Variants in CASK observed in about 807,000 individuals in gnomAD.
CASK encodes calcium/calmodulin dependent serine protein kinase.
CASK carries 4 observed loss-of-function variants against 82.9 expected under a neutral mutation model. The ratio of observed to expected loss-of-function variants is 0.05; its 90% CI spans 0.02 to 0.11. The LOEUF (loss-of-function observed/expected upper bound fraction) is 0.11. Ranked by LOEUF, CASK falls within the 10% of genes least tolerant of loss-of-function variation. The pLI, the probability that CASK is intolerant of heterozygous loss-of-function variation, is 1.00. For missense variants in CASK, 358 were observed against 720.9 expected (o/e 0.50, Z 5.76); for synonymous variants, 259 against 253.5 (o/e 1.02, Z -0.20).
chrX:41,895,193 G>A (rs750902570), intron 1 of CASK, among the ~76,000 whole-genome samples: 18 of 111,436 alleles, frequency 1.6e-4, no homozygotes, highest in Non-Finnish European at 2.6e-4. Flanking sequence ...CTTTACCAAC[G>A]AGGAAATCAA....
chrX:41,657,853 T>C (rs2066967555), intron 8 of CASK, among the ~76,000 whole-genome samples: 1 of 111,635 alleles, frequency 9.0e-6, no homozygotes, highest in South Asian at 3.8e-4. Flanking sequence ...ACGCCAAAGA[T>C]GTCTGATGGC....
At chrX:41,601,724 A>G (rs936287327) in intron 12 of CASK, among the ~76,000 whole-genome samples, 1 of 111,552 alleles carries the variant, frequency 9.0e-6, no homozygotes, top group African/African-American at 3.3e-5. Context: ...GCCTAACCCA[A>G]GGTAATGAAG....
intron 8 of CASK, chrX:41,660,103 A>C (rs2067009110): frequency 3.1e-6 from 1 of 319,563 alleles, no homozygotes; most frequent in Non-Finnish European, 5.4e-6. Flanking sequence ...ACCCAAAATA[A>C]AGATAGTTAA....
At chrX:41,856,665 G>A (rs1319953915) in intron 1 of CASK, among the ~76,000 whole-genome samples, 5 of 109,560 alleles carry the variant, frequency 4.6e-5, no homozygotes, top group Non-Finnish European at 5.7e-5. Flanking sequence ...GCTTGGTGGC[G>A]GGCGCCTGTA....
At chrX:41,654,341 C>T in intron 8 of CASK, among the ~76,000 whole-genome samples, 1 of 111,113 alleles carries the variant, frequency 9.0e-6, no homozygotes, top group Non-Finnish European at 1.9e-5. Context: ...GGGACTCATC[C>T]CAGCAGGGTG....
chrX:41,734,555 G>GA (rs2068466678), intron 5 of CASK, among the ~76,000 whole-genome samples: 1 of 112,045 alleles, frequency 8.9e-6, no homozygotes, highest in Non-Finnish European at 1.9e-5. Context: ...GAAGATGACA[G>GA]AAAAAAATAG....
At chrX:41,626,489 T>C (rs2066377744) in intron 10 of CASK, 115 bp downstream of exon 10, 1 of 535,189 alleles carries the variant, frequency 1.9e-6, no homozygotes, top group Admixed American at 2.6e-5. Context: ...CAAACTTCCT[T>C]AGAATCCGTT....
intron 12 of CASK, among the ~76,000 whole-genome samples, chrX:41,609,064 C>T (rs2066000194): frequency 8.9e-6 from 1 of 111,822 alleles, no homozygotes; most frequent in African/African-American, 3.2e-5. Flanking sequence ...AATTTTTTCC[C>T]ATTGTAGCCT....
chrX:41,587,701 T>A (rs1190099395), intron 13 of CASK: 1 of 112,178 alleles, frequency 8.9e-6, no homozygotes, highest in Admixed American at 9.5e-5. Context: ...CAGGTAAAAT[T>A]GATTGTTTTC....
intron 19 of CASK, chrX:41,555,934 AAAAAT>A (rs1378033002): frequency 9.0e-6 from 2 of 221,261 alleles, no homozygotes; most frequent in Non-Finnish European, 1.6e-5. Flanking sequence ...ATTAAAAAAA[AAAAAT>A]AAATAAAAGG....
At chrX:41,579,482 C>G (rs2065534857) in intron 14 of CASK, among the ~76,000 whole-genome samples, 1 of 111,654 alleles carries the variant, frequency 9.0e-6, no homozygotes, top group African/African-American at 3.2e-5. Context: ...TAAAATGTCC[C>G]TTGTTTCCCT....
chrX:41,696,954 G>A, intron 5 of CASK: 1 of 339,096 alleles, frequency 2.9e-6, no homozygotes, highest in Non-Finnish European at 5.3e-6. Context: ...TTTTAAATCT[G>A]TATGTAAAAT....
intron 16 of CASK, among the ~76,000 whole-genome samples, chrX:41,567,289 G>A (rs1277152486): frequency 8.9e-6 from 1 of 111,974 alleles, no homozygotes; most frequent in Non-Finnish European, 1.9e-5. Flanking sequence ...ACTACCATCA[G>A]AGTGAACAGG....
chrX:41,746,895 ATC>A (rs2068696020), intron 3 of CASK, among the ~76,000 whole-genome samples: 1 of 111,811 alleles, frequency 8.9e-6, no homozygotes, highest in African/African-American at 3.3e-5. Context: ...CAAGATCGAA[ATC>A]TCTGTCTAGC....
chrX:41,798,681 A>G (rs1231938188), intron 2 of CASK, among the ~76,000 whole-genome samples: 1 of 112,216 alleles, frequency 8.9e-6, no homozygotes, highest in Non-Finnish European at 1.9e-5. Context: ...CTAATAATAT[A>G]AAAATCAGCT....
At chrX:41,596,761 A>G (rs2065827681) in intron 12 of CASK, among the ~76,000 whole-genome samples, 1 of 112,115 alleles carries the variant, frequency 8.9e-6, no homozygotes, top group Admixed American at 9.5e-5. Flanking sequence ...ACTGTCTCAT[A>G]TTGTCTCACA....
At chrX:41,667,013 A>C (rs2067127914) in intron 6 of CASK, among the ~76,000 whole-genome samples, 1 of 110,600 alleles carries the variant, frequency 9.0e-6, no homozygotes, top group African/African-American at 3.3e-5. Context: ...GACAGTTTGG[A>C]TGATGCTTTG....
At chrX:41,783,482 G>A (rs192773547) in intron 3 of CASK, among the ~76,000 whole-genome samples, 3 of 107,256 alleles carry the variant, frequency 2.8e-5, no homozygotes, top group Non-Finnish European at 5.8e-5. Context: ...CTGGGAGACG[G>A]AGGTTGCAGT....
At chrX:41,916,717 A>C (rs2072696863) in intron 1 of CASK, among the ~76,000 whole-genome samples, 1 of 112,103 alleles carries the variant, frequency 8.9e-6, no homozygotes, top group African/African-American at 3.2e-5. Flanking sequence ...AGGATAAAGG[A>C]ATAACTATCC....
Sources: gnomAD v4.1 joint callset for allele counts (sites outside exome capture counted in the v4.1 genomes callset) on GRCh38, gnomAD v4.1.1 for gene constraint, MANE v1.5 for transcripts, NCBI Gene and HGNC (gene_info 2026-07-23, HGNC 2026-07-21) for gene names.